The following RAB8B variants were observed in gnomAD, a reference collection of about 807,000 sequenced individuals.
RAB8B encodes ras-related protein Rab-8B.
Under a neutral mutation model 32.0 loss-of-function variants are expected in RAB8B, and 11 were observed. The observed-to-expected ratio is 0.34, with a 90% confidence interval of 0.22 to 0.57. The LOEUF (loss-of-function observed/expected upper bound fraction) is 0.57. Among genes scored for constraint, RAB8B ranks in the 20% least tolerant of loss-of-function variants. The pLI is 0.86. For missense variants in RAB8B, 190 were observed against 258.5 expected (o/e 0.73, Z 1.82); for synonymous variants, 103 against 89.6 (o/e 1.15, Z -0.85).
At chr15:63,251,389 G>A (rs1167748673) in intron 3 of RAB8B, 1 of 445,216 alleles carries the variant, frequency 2.2e-6, no homozygotes, top group Non-Finnish European at 4.5e-6. Context: ...TTTCTGTTGA[G>A]CAGTTTTTTG....
intron 1 of RAB8B, among the ~76,000 whole-genome samples, chr15:63,224,434 C>G (rs2037872356): frequency 6.6e-6 from 1 of 152,080 alleles, no homozygotes; most frequent in Non-Finnish European, 1.5e-5. Context: ...TGTCACAGTC[C>G]CTGTCACATA....
chr15:63,228,254 G>A (rs978500186), intron 1 of RAB8B, among the ~76,000 whole-genome samples: 17 of 152,170 alleles, frequency 1.1e-4, no homozygotes, highest in African/African-American at 3.9e-4. Context: ...GGGCTCAAGC[G>A]ATCCTCCTGC....
intron 1 of RAB8B, among the ~76,000 whole-genome samples, chr15:63,220,542 G>A (rs1595739447): frequency 6.6e-6 from 1 of 152,108 alleles, no homozygotes; most frequent in East Asian, 1.9e-4. Flanking sequence ...GAGTAAGGAG[G>A]AGTAAGAGTC....
intron 1 of RAB8B, among the ~76,000 whole-genome samples, chr15:63,213,216 G>C (rs555523776): frequency 2.5e-4 from 38 of 152,286 alleles, no homozygotes; most frequent in African/African-American, 7.7e-4. Context: ...GTTATTACTA[G>C]ATAATTCCTT....
chr15:63,197,515 G>A (rs892159408), intron 1 of RAB8B, among the ~76,000 whole-genome samples: 5 of 150,838 alleles, frequency 3.3e-5, no homozygotes, highest in Non-Finnish European at 7.4e-5. Context: ...CTGGGACCCC[G>A]GGTGCACACT....
intron 1 of RAB8B, among the ~76,000 whole-genome samples, chr15:63,214,875 A>G (rs2037779055): frequency 6.6e-6 from 1 of 152,174 alleles, no homozygotes; most frequent in Non-Finnish European, 1.5e-5. Flanking sequence ...GAATACACAT[A>G]TAGTATTTAA....
At chr15:63,244,150 A>G (rs150769863) in intron 1 of RAB8B, among the ~76,000 whole-genome samples, 19 of 152,342 alleles carry the variant, frequency 1.2e-4, no homozygotes, top group Non-Finnish European at 2.5e-4. Flanking sequence ...AGTACCAGGC[A>G]ATTCTAGAGT....
intron 1 of RAB8B, among the ~76,000 whole-genome samples, chr15:63,224,823 C>T (rs572983145): frequency 2.0e-5 from 3 of 152,282 alleles, no homozygotes; most frequent in African/African-American, 7.2e-5. Context: ...GAGCTAGTAC[C>T]TCCTCCAGGG....
At chr15:63,213,927 A>G (rs1173426566) in intron 1 of RAB8B, among the ~76,000 whole-genome samples, 1 of 152,024 alleles carries the variant, frequency 6.6e-6, no homozygotes, top group Non-Finnish European at 1.5e-5. Flanking sequence ...ATAAAAATAC[A>G]AAAATTAGCT....
chr15:63,215,788 G>A (rs1256122193), intron 1 of RAB8B, among the ~76,000 whole-genome samples: 1 of 152,106 alleles, frequency 6.6e-6, no homozygotes, highest in African/African-American at 2.4e-5. Flanking sequence ...TATAATTCCA[G>A]CACTTTGGGA....
rs551431637 is a variant in RAB8B at position 63,257,928 on chromosome 15, G to A, written c.414+1334G>A. ...ACAAAAATTAGCCGGGCATGGTGGCGTGCGTGCGTCTGTAGTCCCAGCTAC... is the reference window on the plus strand; with the variant it reads ...ACAAAAATTAGCCGGGCATGGTGGCATGCGTGCGTCTGTAGTCCCAGCTAC... On this transcript the variant is annotated intron_variant, in intron 5 of 7. Coordinates refer to ENST00000321437, the MANE Select transcript of RAB8B (RefSeq NM_016530.3). Among the ~76,000 whole-genome samples the A allele has an allele frequency of 2.7e-4, 41 of 151,388 alleles. No homozygotes were observed. In the South Asian group the frequency reaches 6.5e-3, roughly 24 times the overall value.
intron 1 of RAB8B, among the ~76,000 whole-genome samples, chr15:63,192,954 G>A (rs528762479): frequency 2.0e-5 from 3 of 152,152 alleles, no homozygotes; most frequent in African/African-American, 4.8e-5. Flanking sequence ...TTCACCAAAC[G>A]GTGTATGCCT....
At chr15:63,255,261 C>T (rs950651613) in intron 3 of RAB8B, among the ~76,000 whole-genome samples, 3 of 152,058 alleles carry the variant, frequency 2.0e-5, no homozygotes, top group Admixed American at 6.6e-5. Context: ...ACCTTTACCA[C>T]GATCACTAAT....
Position 63,265,001 on chromosome 15 carries a change from T to A in RAB8B, c.*1382T>A, listed in dbSNP as rs1223267404. The A allele has an allele frequency of 2.0e-5, 3 of 152,644 alleles. No individual in the cohort carries two copies. The highest frequency in any genetic ancestry group is 2.1e-4 in the South Asian group (1 of 4,838). 9.5% of individuals were successfully genotyped at this position (152,644 alleles called of 1,614,324 possible). ...GATGAAACCATCACAAGGTATTTAGTGTTAACTTGTGTGCCAAATTCAGAT... is the reference window on the plus strand; with the variant it reads ...GATGAAACCATCACAAGGTATTTAGAGTTAACTTGTGTGCCAAATTCAGAT... On this transcript the variant is annotated 3_prime_UTR_variant, in exon 8 of 8. Transcript: ENST00000321437. The surrounding 1 kb of genome is among the most constrained non-coding windows in gnomAD (Gnocchi z 4.9).
At chr15:63,193,487 T>G (rs1361451377) in intron 1 of RAB8B, among the ~76,000 whole-genome samples, 1 of 152,214 alleles carries the variant, frequency 6.6e-6, no homozygotes, top group Non-Finnish European at 1.5e-5. Flanking sequence ...ATTTTTTTTA[T>G]TGGCTCTAAA....
intron 1 of RAB8B, among the ~76,000 whole-genome samples, chr15:63,230,323 CAG>C (rs1329361369): frequency 2.0e-5 from 3 of 152,162 alleles, no homozygotes; most frequent in Non-Finnish European, 2.9e-5. Flanking sequence ...GTTGCTGAGA[CAG>C]AGTCTTGCTC....
intron 1 of RAB8B, among the ~76,000 whole-genome samples, chr15:63,209,923 C>G (rs1302416165): frequency 6.6e-6 from 1 of 151,948 alleles, no homozygotes; most frequent in Non-Finnish European, 1.5e-5. Context: ...CCAACAGGCC[C>G]CGGTGTGTGA....
At chr15:63,204,483 A>G (rs192508502) in intron 1 of RAB8B, among the ~76,000 whole-genome samples, 57 of 152,302 alleles carry the variant, frequency 3.7e-4, no homozygotes, top group Admixed American at 3.1e-3. Context: ...GAAGGGACAA[A>G]TGTTTCCATT....
chr15:63,256,161 C>T (rs1332739983), intron 4 of RAB8B, among the ~76,000 whole-genome samples: 1 of 152,138 alleles, frequency 6.6e-6, no homozygotes, highest in Non-Finnish European at 1.5e-5. Context: ...TAAAATAGTA[C>T]AGAATCTAGA....
Sources: gnomAD v4.1 joint callset for allele counts (sites outside exome capture counted in the v4.1 genomes callset) on GRCh38, gnomAD v4.1.1 for gene constraint, Gnocchi (gnomAD v3.1) non-coding constraint, MANE v1.5 for transcripts, NCBI Gene and HGNC (gene_info 2026-07-23, HGNC 2026-07-21) for gene names.